RASGRF2: variants seen among roughly 807,000 people sequenced by gnomAD.
RASGRF2 encodes the protein ras-specific guanine nucleotide-releasing factor 2.
A neutral mutation model predicts 151.0 loss-of-function variants in RASGRF2; 76 were observed. The ratio of observed to expected loss-of-function variants is 0.50; its 90% CI spans 0.42 to 0.61. The LOEUF is 0.61. Among genes scored for constraint, RASGRF2 ranks in the 20% least tolerant of loss-of-function variants. The probability of loss-of-function intolerance (pLI) is 0.00; values close to 1 mark genes in which losing one functional copy is unlikely to be tolerated. For missense variants in RASGRF2, 1,148 were observed against 1,564.6 expected, an observed-to-expected ratio of 0.73 and a Z score of 4.49; for synonymous variants, 504 against 566.5, an observed-to-expected ratio of 0.89 and a Z score of 1.57.
intron 1 of RASGRF2, among the ~76,000 whole-genome samples, chr5:80,984,814 C>T (rs1748425767): frequency 6.6e-6 from 1 of 152,118 alleles, no homozygotes; most frequent in Non-Finnish European, 1.5e-5. Context: ...ATGGATTATC[C>T]ACATAATTGT....
chr5:81,003,907 T>C (rs1271440910), intron 1 of RASGRF2, among the ~76,000 whole-genome samples: 1 of 152,158 alleles, frequency 6.6e-6, no homozygotes, highest in Non-Finnish European at 1.5e-5. Context: ...TGTTTACAGT[T>C]GTGTTAGATC....
At chr5:81,038,682 C>T (rs1237801774) in intron 1 of RASGRF2, among the ~76,000 whole-genome samples, 1 of 148,692 alleles carries the variant, frequency 6.7e-6, no homozygotes, top group Non-Finnish European at 1.5e-5. Context: ...CTCCAGCAGT[C>T]CTCCTGCCTC....
intron 1 of RASGRF2, among the ~76,000 whole-genome samples, chr5:80,995,456 T>G (rs1402715214): frequency 6.6e-6 from 1 of 151,286 alleles, no homozygotes; most frequent in Non-Finnish European, 1.5e-5. Context: ...ATATTCATAT[T>G]TTAGAACCAG....
intron 17 of RASGRF2, among the ~76,000 whole-genome samples, chr5:81,175,923 G>A (rs1038671086): frequency 1.4e-4 from 21 of 152,060 alleles, no homozygotes; most frequent in Non-Finnish European, 3.1e-4. Context: ...ATGCCCTTGG[G>A]ACAATTTAGA....
At chr5:81,098,878 A>G (rs1191457015) in intron 12 of RASGRF2, among the ~76,000 whole-genome samples, 1 of 152,226 alleles carries the variant, frequency 6.6e-6, no homozygotes, top group Non-Finnish European at 1.5e-5. Context: ...TCCATTATTA[A>G]TAAGATAAGC....
chr5:81,058,000 ATAAT>A (rs533833649), intron 2 of RASGRF2, among the ~76,000 whole-genome samples: 198 of 152,080 alleles, frequency 1.3e-3, no homozygotes, highest in Admixed American at 2.2e-3. Flanking sequence ...TGCCTCAAAA[ATAAT>A]TAATTAATTA....
intron 14 of RASGRF2, 169 bp from the exon 15 acceptor site, chr5:81,113,369 T>G (rs896313306): frequency 1.3e-6 from 1 of 774,150 alleles, no homozygotes; most frequent in Admixed American, 2.9e-5. Context: ...TGTCTGTGCT[T>G]CTTTGGCAGG....
intron 18 of RASGRF2, among the ~76,000 whole-genome samples, chr5:81,185,732 G>A (rs1755012341): frequency 6.6e-6 from 1 of 152,210 alleles, no homozygotes; most frequent in Non-Finnish European, 1.5e-5. Context: ...TAGTAGAGAG[G>A]TGGTGGAGAC....
chr5:81,125,253 A>G (rs1194942334), intron 16 of RASGRF2, among the ~76,000 whole-genome samples: 1 of 152,152 alleles, frequency 6.6e-6, no homozygotes, highest in Non-Finnish European at 1.5e-5. Context: ...GGTAAAGTAT[A>G]TGGCTCCAAA....
intron 5 of RASGRF2, among the ~76,000 whole-genome samples, chr5:81,074,815 G>A (rs1751888890): frequency 6.6e-6 from 1 of 152,194 alleles, no homozygotes; most frequent in African/African-American, 2.4e-5. Flanking sequence ...GGAAGAGTGA[G>A]GCAAGCAGAG....
chr5:81,035,687 T>C (rs1750464853), intron 1 of RASGRF2, among the ~76,000 whole-genome samples: 1 of 151,778 alleles, frequency 6.6e-6, no homozygotes, highest in South Asian at 2.1e-4. Flanking sequence ...AGAGAATTGG[T>C]GAATTAGAAG....
intron 17 of RASGRF2, among the ~76,000 whole-genome samples, chr5:81,167,459 T>G (rs1754539232): frequency 6.6e-6 from 1 of 152,232 alleles, no homozygotes. Flanking sequence ...AGTCAGTTGT[T>G]AAACTAATCC....
chr5:81,200,471 A>G (rs771474341), intron 18 of RASGRF2, among the ~76,000 whole-genome samples: 5 of 152,104 alleles, frequency 3.3e-5, no homozygotes, highest in South Asian at 2.1e-4. Context: ...TCTCACTTCT[A>G]TGTTCATTCG....
intron 1 of RASGRF2, among the ~76,000 whole-genome samples, chr5:81,010,965 T>A (rs1749439848): frequency 6.6e-6 from 1 of 152,218 alleles, no homozygotes; most frequent in African/African-American, 2.4e-5. Context: ...CAGCATTGCG[T>A]TTGTATGTTT....
chr5:81,165,837 C>T (rs1754493889), intron 17 of RASGRF2, among the ~76,000 whole-genome samples: 2 of 108,968 alleles, frequency 1.8e-5, no homozygotes, highest in Non-Finnish European at 2.0e-5. Flanking sequence ...GGAGCTAACT[C>T]GTCCAGACCA....
intron 1 of RASGRF2, among the ~76,000 whole-genome samples, chr5:81,013,524 T>A (rs1319827782): frequency 1.3e-5 from 2 of 152,046 alleles, no homozygotes; most frequent in East Asian, 3.9e-4. Context: ...ACAATTCCCT[T>A]CTTTCAACAA....
chr5:81,067,949 C>G, intron 2 of RASGRF2, 83 bp from the exon 3 acceptor site: 1 of 1,199,358 alleles, frequency 8.3e-7, no homozygotes, highest in Non-Finnish European at 1.1e-6. Flanking sequence ...ACTTCTTTTT[C>G]AAATGTAGCA....
chr5:81,122,808 A>G (rs4704701), intron 15 of RASGRF2, among the ~76,000 whole-genome samples: 21,284 of 152,284 alleles, frequency 0.14, 1,844 homozygotes, highest in Middle Eastern at 0.26. Context: ...TGGGAGGGGC[A>G]TAGAAACATC....
intron 2 of RASGRF2, among the ~76,000 whole-genome samples, chr5:81,067,720 A>T (rs1455081565): frequency 1.3e-5 from 2 of 152,254 alleles, no homozygotes; most frequent in Non-Finnish European, 2.9e-5. Flanking sequence ...TTTTTGTTAA[A>T]GAAGACACAC....
Sources: gnomAD v4.1 joint callset for allele counts (sites outside exome capture counted in the v4.1 genomes callset) on GRCh38, gnomAD v4.1.1 for gene constraint, MANE v1.5 for transcripts, NCBI Gene and HGNC (gene_info 2026-07-23, HGNC 2026-07-21) for gene names.